Variants in CTDSPL2 observed in about 807,000 individuals in gnomAD.
CTDSPL2 encodes the protein CTD small phosphatase-like protein 2.
Under a neutral mutation model 60.0 loss-of-function variants are expected in CTDSPL2, and 5 were observed. The observed-to-expected ratio is 0.08, with a 90% CI of 0.04 to 0.18. CTDSPL2 has a LOEUF of 0.18. Among genes scored for constraint, CTDSPL2 ranks in the 10% least tolerant of loss-of-function variants. CTDSPL2 has a pLI of 1.00. For synonymous variants in CTDSPL2, 186 were observed against 189.3 expected (o/e 0.98, Z 0.14); for missense variants, 370 against 548.8 (o/e 0.67, Z 3.26).
At chr15:44,448,243 C>A in intron 1 of CTDSPL2, 1 of 294,958 alleles carries the variant, frequency 3.4e-6, no homozygotes, top group South Asian at 3.1e-5. Flanking sequence ...CAGGCCGGAG[C>A]CACTGCGCTC....
intron 12 of CTDSPL2, 80 bp from the exon 13 acceptor site, chr15:44,524,029 T>G: frequency 9.1e-7 from 1 of 1,098,190 alleles, no homozygotes; most frequent in Non-Finnish European, 1.4e-6. Flanking sequence ...ATGTTTTCTC[T>G]GCAAGGTAAG....
intron 3 of CTDSPL2, among the ~76,000 whole-genome samples, chr15:44,485,712 T>C (rs2140788816): frequency 6.6e-6 from 1 of 152,252 alleles, no homozygotes; most frequent in East Asian, 1.9e-4. Flanking sequence ...TGGAGTACTG[T>C]TTTAACGAAT....
rs555992158 is a variant in CTDSPL2 at position 44,481,331 on chromosome 15, G to A, written c.187-2893G>A. On this transcript the variant is annotated intron_variant, in intron 2 of 12. Transcript: ENST00000260327. ...TATTTGAATGTGTTCTAAAGTGACC[G>A]CCTTATAGTCTGTTCTGCAACAATA... Among the ~76,000 whole-genome samples, 29 of 152,238 alleles carry A rather than the reference G, an allele frequency of 1.9e-4. No individual in the cohort carries two copies. In the South Asian group the frequency reaches 5.6e-3, roughly 29 times the overall value.
At chr15:44,433,701 C>T (rs1024137666) in intron 1 of CTDSPL2, among the ~76,000 whole-genome samples, 12 of 152,028 alleles carry the variant, frequency 7.9e-5, no homozygotes, top group African/African-American at 2.2e-4. Flanking sequence ...GACGGAGTCT[C>T]GCTCTGTCAC....
At chr15:44,476,663 T>C (rs2080922624) in intron 2 of CTDSPL2, among the ~76,000 whole-genome samples, 1 of 152,170 alleles carries the variant, frequency 6.6e-6, no homozygotes, top group South Asian at 2.1e-4. Context: ...CAGTATTCAG[T>C]ATAGTAGTTT....
intron 9 of CTDSPL2, 48 bp downstream of exon 9, chr15:44,514,708 A>G (rs769315499): frequency 6.6e-7 from 1 of 1,514,516 alleles, no homozygotes; most frequent in Non-Finnish European, 9.2e-7. Context: ...TTTATTCAAT[A>G]TAGTACCCAT....
At chr15:44,449,437 T>C (rs2080289455) in intron 1 of CTDSPL2, 1 of 152,764 alleles carries the variant, frequency 6.5e-6, no homozygotes, top group African/African-American at 2.4e-5. Context: ...CAAGTGATTC[T>C]TGAGCCTCAG....
chr15:44,434,804 C>T (rs1011504976), intron 1 of CTDSPL2, among the ~76,000 whole-genome samples: 4 of 152,072 alleles, frequency 2.6e-5, no homozygotes, highest in Non-Finnish European at 5.9e-5. Context: ...TTGTATAGTT[C>T]TGTATTTTGC....
intron 5 of CTDSPL2, among the ~76,000 whole-genome samples, chr15:44,492,165 G>A (rs933161460): frequency 6.6e-6 from 1 of 151,892 alleles, no homozygotes; most frequent in African/African-American, 2.4e-5. Flanking sequence ...CATTGCGCCC[G>A]GCCAAAAAAA....
At position 44,484,226 on chromosome 15, in the gene CTDSPL2, A is replaced by G. The variant is rs1197783965; in HGVS notation, c.189A>G (p.Glu63=). 6.2e-7 allele frequency: 1 copy of G among 1,607,446 alleles called. No homozygotes were observed. The highest frequency in any genetic ancestry group is 1.7e-5 in the Admixed American group (1 of 58,452). Residue 63 remains glutamate (E), a splice_region_variant and synonymous_variant, in exon 3 of 13, where the codon GAA becomes GAG. Transcript: ENST00000260327. ...TTTTTTTTCTCTTATATCTTAAGGA[A>G]GAGAGAGAAAATCCTTCAAAACGGA... ...KKFIKGSTPK[E]ERENPSKRSR... is the part of the protein sequence containing the mutation.
At chr15:44,509,001 T>C (rs1415596549) in intron 8 of CTDSPL2, among the ~76,000 whole-genome samples, 1 of 152,170 alleles carries the variant, frequency 6.6e-6, no homozygotes. Context: ...GACTCACATG[T>C]AATTTTTGGG....
intron 2 of CTDSPL2, among the ~76,000 whole-genome samples, chr15:44,478,377 G>A (rs752400501): frequency 2.1e-5 from 3 of 140,286 alleles, no homozygotes; most frequent in Non-Finnish European, 4.5e-5. Flanking sequence ...GCTTGAACCC[G>A]GGAGGTGGAG....
chr15:44,483,784 A>G (rs2081072068), intron 2 of CTDSPL2, among the ~76,000 whole-genome samples: 1 of 152,078 alleles, frequency 6.6e-6, no homozygotes, highest in African/African-American at 2.4e-5. Flanking sequence ...GCCAGGCCCC[A>G]CCTTTATCCC....
chr15:44,466,148 G>A (rs2080685063), intron 2 of CTDSPL2, among the ~76,000 whole-genome samples: 1 of 151,656 alleles, frequency 6.6e-6, no homozygotes, highest in South Asian at 2.1e-4. Flanking sequence ...TGTTGGCCAC[G>A]CTGGTCTCGA....
intron 2 of CTDSPL2, 94 bp from the exon 3 acceptor site, chr15:44,484,130 A>G (rs2081077610): frequency 1.8e-6 from 2 of 1,116,988 alleles, no homozygotes; most frequent in African/African-American, 1.6e-5. Context: ...AAGCAGAGGA[A>G]AGTATATTAT....
chr15:44,507,839 A>G (rs1351607047), intron 8 of CTDSPL2, among the ~76,000 whole-genome samples: 1 of 152,248 alleles, frequency 6.6e-6, no homozygotes, highest in Non-Finnish European at 1.5e-5. Context: ...AGATAATAAT[A>G]GCTAATAGCT....
chr15:44,504,576 TA>T (rs1018243533), intron 8 of CTDSPL2, among the ~76,000 whole-genome samples: 4 of 151,874 alleles, frequency 2.6e-5, no homozygotes, highest in South Asian at 2.1e-4. Context: ...AAAAGTAGCC[TA>T]AAAAAAACTT....
At chr15:44,445,171 G>A (rs1667337079) in intron 1 of CTDSPL2, among the ~76,000 whole-genome samples, 1 of 151,168 alleles carries the variant, frequency 6.6e-6, no homozygotes. Flanking sequence ...TTGTATAATA[G>A]GTTAGGTTCC....
chr15:44,458,599 C>G (rs967676766), intron 1 of CTDSPL2, among the ~76,000 whole-genome samples: 2 of 152,206 alleles, frequency 1.3e-5, no homozygotes, highest in African/African-American at 4.8e-5. Context: ...ACTATTTACT[C>G]AATTCTTACT....
Sources: gnomAD v4.1 joint callset for allele counts (sites outside exome capture counted in the v4.1 genomes callset) on GRCh38, gnomAD v4.1.1 for gene constraint, MANE v1.5 for transcripts, NCBI Gene and HGNC (gene_info 2026-07-23, HGNC 2026-07-21) for gene names.